TBC1D22A: variants seen among roughly 807,000 people sequenced by gnomAD.
TBC1D22A encodes TBC1 domain family member 22A.
In TBC1D22A, 38 loss-of-function variants were observed where a neutral mutation model predicts 60.2. That is an observed-to-expected ratio of 0.63 (90% confidence interval 0.49 to 0.83). The LOEUF (loss-of-function observed/expected upper bound fraction) is 0.83. TBC1D22A is among the 40% of genes least tolerant of loss of function. The pLI is 0.00. For missense variants in TBC1D22A, 628 were observed against 701.0 expected (o/e 0.90, Z 1.18); for synonymous variants, 302 against 281.7 (o/e 1.07, Z -0.72).
At chr22:46,878,507 C>T (rs1453643559) in intron 4 of TBC1D22A, 146 bp from the exon 5 acceptor site, 5 of 684,878 alleles carry the variant, frequency 7.3e-6, no homozygotes, top group East Asian at 2.6e-5. Flanking sequence ...TGAAATCAAT[C>T]GTATCTGAAA....
chr22:46,871,840 A>C lies in TBC1D22A; in HGVS notation c.638-6813A>C, dbSNP rs556606834. 2.6e-5 allele frequency among the ~76,000 whole-genome samples: 4 copies of C among 152,338 alleles called. No individual in the cohort carries two copies. The South Asian group carries it at 8.3e-4, about 32-fold the overall frequency. On this transcript the variant is annotated intron_variant, in intron 4 of 12. Transcript: ENST00000337137. Reference sequence around the variant, plus strand: ...ACAATTTAAGGGTGAAAAATCAATAAACTGAAAAATGGGTAAACAAGAAAA... The same window carrying C: ...ACAATTTAAGGGTGAAAAATCAATACACTGAAAAATGGGTAAACAAGAAAA...
intron 9 of TBC1D22A, among the ~76,000 whole-genome samples, chr22:46,976,326 G>T (rs958829900): frequency 6.6e-6 from 1 of 152,162 alleles, no homozygotes; most frequent in African/African-American, 2.4e-5. Flanking sequence ...TCACCGTCCC[G>T]TGGCAGCCGT....
intron 1 of TBC1D22A, among the ~76,000 whole-genome samples, chr22:46,775,430 G>A (rs926320171): frequency 3.9e-5 from 6 of 152,128 alleles, no homozygotes; most frequent in South Asian, 2.1e-4. Flanking sequence ...TCCTGCTCAC[G>A]TCTGGGGCCT....
At chr22:46,963,559 G>C (rs1471700097) in intron 8 of TBC1D22A, among the ~76,000 whole-genome samples, 1 of 152,232 alleles carries the variant, frequency 6.6e-6, no homozygotes, top group African/African-American at 2.4e-5. Flanking sequence ...ACCTTGGCAA[G>C]TATAAAACCC....
At chr22:47,118,122 CA>C (rs10714906) in intron 12 of TBC1D22A, among the ~76,000 whole-genome samples, 3,125 of 151,360 alleles carry the variant, frequency 0.021, 120 homozygotes, top group African/African-American at 0.072. Flanking sequence ...GACTCCGTCT[CA>C]AAAAAAATAC....
intron 10 of TBC1D22A, among the ~76,000 whole-genome samples, chr22:47,017,543 G>A (rs1005555): frequency 0.023 from 3,543 of 152,268 alleles, 126 homozygotes; most frequent in African/African-American, 0.08. Flanking sequence ...AGACACACAT[G>A]CGCTCTGCCC....
intron 11 of TBC1D22A, among the ~76,000 whole-genome samples, chr22:47,084,678 A>T (rs1411712026): frequency 6.6e-6 from 1 of 152,240 alleles, no homozygotes; most frequent in East Asian, 1.9e-4. Flanking sequence ...AATGAAAATT[A>T]ATAATAGTCT....
Position 47,168,950 on chromosome 22 carries a change from TGGGAGCCTCGTCTGCTCTTCGGCATC to T in TBC1D22A, c.1426-4538_1426-4513del, listed in dbSNP as rs1250359543. ...TCTTCGGCATCGGGAGCCTCAGCATTGGGAGCCTCGTCTGCTCTTCGGCATCGGGAGCCTCACCTGCCCTCCGGCAT... is the reference window on the plus strand; with the variant it reads ...TCTTCGGCATCGGGAGCCTCAGCATTGGGAGCCTCACCTGCCCTCCGGCAT... On this transcript the variant is annotated intron_variant, in intron 12 of 12. Coordinates refer to ENST00000337137, the MANE Select transcript of TBC1D22A (RefSeq NM_014346.5). Among the ~76,000 whole-genome samples the T allele has an allele frequency of 1.4e-3, 206 of 152,252 alleles. No homozygotes were observed. In the Middle Eastern group the frequency reaches 0.014, roughly 10 times the overall value.
intron 8 of TBC1D22A, among the ~76,000 whole-genome samples, chr22:46,954,857 G>A (rs1324033859): frequency 6.6e-6 from 1 of 152,184 alleles, no homozygotes; most frequent in Non-Finnish European, 1.5e-5. Context: ...TCCCAGGAAA[G>A]GATAAATGGA....
At chr22:47,172,663 C>T (rs534470972) in intron 12 of TBC1D22A, among the ~76,000 whole-genome samples, 1 of 152,338 alleles carries the variant, frequency 6.6e-6, no homozygotes, top group African/African-American at 2.4e-5. Flanking sequence ...TTTTAAATCT[C>T]AGTCTAAGGC....
chr22:46,911,730 C>T (rs955381541), intron 7 of TBC1D22A, among the ~76,000 whole-genome samples: 5 of 152,046 alleles, frequency 3.3e-5, no homozygotes, highest in African/African-American at 1.2e-4. Flanking sequence ...GCAGCCTGGC[C>T]AACGTGGCGA....
At chr22:47,093,657 G>A (rs16996345) in intron 11 of TBC1D22A, among the ~76,000 whole-genome samples, 16,236 of 152,140 alleles carry the variant, frequency 0.11, 1,076 homozygotes, top group African/African-American at 0.18. Context: ...CCTGGGAAAC[G>A]CCTTTCAAAT....
intron 11 of TBC1D22A, among the ~76,000 whole-genome samples, chr22:47,079,707 G>A (rs1329521748): frequency 6.6e-6 from 1 of 152,256 alleles, no homozygotes; most frequent in African/African-American, 2.4e-5. Context: ...AAAGAGTCTG[G>A]ACATGTAGGA....
chr22:46,880,830 G>A (rs1418845381), intron 5 of TBC1D22A, among the ~76,000 whole-genome samples: 1 of 152,164 alleles, frequency 6.6e-6, no homozygotes. Flanking sequence ...GATGAACGTG[G>A]TGGTTCTTGG....
intron 7 of TBC1D22A, among the ~76,000 whole-genome samples, chr22:46,903,486 C>T (rs1026014842): frequency 6.6e-6 from 1 of 152,210 alleles, no homozygotes; most frequent in East Asian, 1.9e-4. Context: ...TCGGCTCTTC[C>T]TGTTTCGCTT....
At chr22:47,165,534 G>T (rs939470945) in intron 12 of TBC1D22A, among the ~76,000 whole-genome samples, 2 of 148,494 alleles carry the variant, frequency 1.3e-5, no homozygotes, top group Non-Finnish European at 2.9e-5. Context: ...CAGGCATGTC[G>T]CCTGCCTGGC....
intron 1 of TBC1D22A, among the ~76,000 whole-genome samples, chr22:46,791,980 C>CT (rs1235469459): frequency 6.6e-6 from 1 of 152,190 alleles, no homozygotes; most frequent in Non-Finnish European, 1.5e-5. Flanking sequence ...AGGCTGGTCT[C>CT]CAACTCCTGA....
chr22:46,803,088 T>G (rs1164596047), intron 4 of TBC1D22A, among the ~76,000 whole-genome samples: 1 of 152,026 alleles, frequency 6.6e-6, no homozygotes, highest in African/African-American at 2.4e-5. Flanking sequence ...GCTCCCATGG[T>G]TACAGCCACT....
chr22:46,870,172 A>C (rs1004809279), intron 4 of TBC1D22A, among the ~76,000 whole-genome samples: 2 of 152,202 alleles, frequency 1.3e-5, no homozygotes, highest in Non-Finnish European at 2.9e-5. Context: ...GTTTTAGGGG[A>C]GGAAACTGAA....
Sources: allele counts gnomAD v4.1 joint callset (sites outside exome capture counted in the v4.1 genomes callset), GRCh38; gene constraint gnomAD v4.1.1; transcripts MANE v1.5; gene names NCBI Gene and HGNC (gene_info 2026-07-23, HGNC 2026-07-21).